The following RBMS3 variants were observed in gnomAD, a reference collection of about 807,000 sequenced individuals.
RBMS3 encodes RNA-binding motif, single-stranded-interacting protein 3.
In RBMS3, 27 loss-of-function variants were observed where a neutral mutation model predicts 66.8. The observed-to-expected ratio is 0.40, with a 90% CI of 0.30 to 0.56. The LOEUF is 0.56. Ranked by LOEUF, RBMS3 falls within the 20% of genes least tolerant of loss-of-function variation. The pLI is 0.40. For missense variants in RBMS3, 513 were observed against 549.5 expected (o/e 0.93, Z 0.66); for synonymous variants, 188 against 183.0 (o/e 1.03, Z -0.22).
At chr3:29,576,113 T>G (rs1366083272) in intron 3 of RBMS3, among the ~76,000 whole-genome samples, 2 of 152,080 alleles carry the variant, frequency 1.3e-5, no homozygotes, top group East Asian at 3.9e-4. Flanking sequence ...ATTGTTGTGT[T>G]CATGGTTTGG....
chr3:29,557,052 CT>C (rs1278056318), intron 3 of RBMS3, among the ~76,000 whole-genome samples: 1 of 152,150 alleles, frequency 6.6e-6, no homozygotes, highest in Non-Finnish European at 1.5e-5. Context: ...CTTTCTGTCA[CT>C]CAAAGTAGGT....
chr3:29,339,603 G>A (rs1279105680), intron 1 of RBMS3, among the ~76,000 whole-genome samples: 1 of 149,788 alleles, frequency 6.7e-6, no homozygotes, highest in African/African-American at 2.4e-5. Flanking sequence ...TAAGAAGAAA[G>A]AATGATGTGG....
intron 3 of RBMS3, among the ~76,000 whole-genome samples, chr3:29,514,451 T>C (rs1001985823): frequency 1.3e-5 from 2 of 151,868 alleles, no homozygotes; most frequent in African/African-American, 4.8e-5. Flanking sequence ...AAATGAACTT[T>C]AGTAACCTGA....
At chr3:29,835,682 A>G (rs1309313705) in intron 6 of RBMS3, among the ~76,000 whole-genome samples, 3 of 151,920 alleles carry the variant, frequency 2.0e-5, no homozygotes, top group Non-Finnish European at 4.4e-5. Flanking sequence ...ACAAAGAGAC[A>G]TCTCAAATAA....
intron 4 of RBMS3, among the ~76,000 whole-genome samples, chr3:29,695,037 A>T (rs1412097044): frequency 6.6e-6 from 1 of 152,112 alleles, no homozygotes; most frequent in Non-Finnish European, 1.5e-5. Flanking sequence ...TGAGTCACTC[A>T]CCTTTTCATT....
rs571068951 is a variant in RBMS3, at chr3:29,790,457, A to G, written c.637+27468A>G. Among the ~76,000 whole-genome samples the G allele has an allele frequency of 3.3e-5, 5 of 152,294 alleles. No individual in the cohort carries two copies. The South Asian group carries it at 1.0e-3, about 32-fold the overall frequency. ...TCGGTTCTATGAATTTTCAAAGAGC[A>G]TGATTCATTCATGGGTAATCAGTAA... On this transcript the variant is annotated intron_variant, in intron 6 of 14. Coordinates refer to ENST00000383767, the MANE Select transcript of RBMS3 (RefSeq NM_001003793.3).
chr3:29,458,800 T>G (rs549373054), intron 2 of RBMS3, among the ~76,000 whole-genome samples: 2 of 152,344 alleles, frequency 1.3e-5, no homozygotes, highest in Non-Finnish European at 2.9e-5. Context: ...TGCAAGTTAC[T>G]TATGCCTTTG....
chr3:29,647,221 C>T (rs981826953), intron 4 of RBMS3, among the ~76,000 whole-genome samples: 10 of 152,150 alleles, frequency 6.6e-5, no homozygotes, highest in African/African-American at 2.4e-5. Context: ...TCAGGTGATC[C>T]GCCTGCCTCG....
At chr3:29,377,472 T>G (rs963021876) in intron 1 of RBMS3, among the ~76,000 whole-genome samples, 1 of 152,210 alleles carries the variant, frequency 6.6e-6, no homozygotes, top group Non-Finnish European at 1.5e-5. Flanking sequence ...CAATGTCCTC[T>G]TTCCCTTATG....
rs77426241 is a variant in RBMS3 at position 29,484,301 on chromosome 3, A to G, written c.249-4140A>G. On this transcript the variant is annotated intron_variant, in intron 2 of 14. Coordinates refer to ENST00000383767, the MANE Select transcript of RBMS3 (RefSeq NM_001003793.3). ...AGACTGGGTGGCTTCATGAAAATATATTTTCTCACAGTTTTGAAGTGGGAA... is the reference window on the plus strand; with the variant it reads ...AGACTGGGTGGCTTCATGAAAATATGTTTTCTCACAGTTTTGAAGTGGGAA... Among the ~76,000 whole-genome samples the G allele has an allele frequency of 6.6e-3, 1,007 of 152,230 alleles. 24 individuals are homozygous for G. The highest frequency in any genetic ancestry group is 0.054 in the Admixed American group (823 of 15,290).
intron 2 of RBMS3, among the ~76,000 whole-genome samples, chr3:29,483,122 G>A (rs756590855): frequency 1.5e-4 from 22 of 145,470 alleles, no homozygotes; most frequent in Non-Finnish European, 2.4e-4. Flanking sequence ...TGGCTAACAC[G>A]GTGAAACCCT....
At chr3:29,988,441 G>T (rs753569698) in intron 13 of RBMS3, among the ~76,000 whole-genome samples, 3 of 152,156 alleles carry the variant, frequency 2.0e-5, no homozygotes, top group Non-Finnish European at 2.9e-5. Context: ...GAGGCACGAC[G>T]GGAGTCTCTT....
Position 30,004,921 on chromosome 3 carries a change from G to T in RBMS3, c.*1059G>T. On this transcript the variant is annotated 3_prime_UTR_variant, in exon 15 of 15. Transcript: ENST00000383767. The stretch of plus-strand genomic sequence containing the variant: ...AAAACTTAAGTAGATAGGAGCTTAT[G>T]GTCAAAAAGTGCAAAAAAAAAAACA... The T allele has an allele frequency of 6.7e-6, 1 of 148,872 alleles. No individual in the cohort carries two copies. 9.2% of individuals were successfully genotyped at this position (148,872 alleles called of 1,614,324 possible).
intron 6 of RBMS3, among the ~76,000 whole-genome samples, chr3:29,827,632 A>G (rs1458074558): frequency 6.6e-6 from 1 of 152,146 alleles, no homozygotes; most frequent in African/African-American, 2.4e-5. Context: ...CCTCAATTCC[A>G]TGTTGTGTTA....
At chr3:29,968,205 C>T (rs1023076743) in intron 12 of RBMS3, among the ~76,000 whole-genome samples, 18 of 152,112 alleles carry the variant, frequency 1.2e-4, no homozygotes, top group African/African-American at 4.3e-4. Context: ...CGGCCTGCCC[C>T]CGTAACAGTC....
At chr3:29,542,233 C>A (rs1305266877) in intron 3 of RBMS3, among the ~76,000 whole-genome samples, 2 of 152,152 alleles carry the variant, frequency 1.3e-5, no homozygotes, top group Non-Finnish European at 2.9e-5. Flanking sequence ...TAACTATCCC[C>A]CTTTTTGCTT....
At chr3:29,409,196 A>T (rs1426632496) in intron 1 of RBMS3, among the ~76,000 whole-genome samples, 1 of 152,200 alleles carries the variant, frequency 6.6e-6, no homozygotes, top group African/African-American at 2.4e-5. Flanking sequence ...TAAAAACAAT[A>T]ACTATTTTTT....
intron 8 of RBMS3, among the ~76,000 whole-genome samples, chr3:29,888,226 G>C (rs1367348316): frequency 2.0e-5 from 3 of 151,574 alleles, no homozygotes; most frequent in Non-Finnish European, 4.4e-5. Flanking sequence ...TTACAACAAT[G>C]AATATTTTCC....
intron 4 of RBMS3, among the ~76,000 whole-genome samples, chr3:29,665,357 A>G (rs532474911): frequency 6.6e-6 from 1 of 152,332 alleles, no homozygotes; most frequent in South Asian, 2.1e-4. Context: ...CTTTCATAAA[A>G]AATCAATATA....
Sources: allele counts gnomAD v4.1 joint callset (sites outside exome capture counted in the v4.1 genomes callset), GRCh38; gene constraint gnomAD v4.1.1; transcripts MANE v1.5; gene names NCBI Gene and HGNC (gene_info 2026-07-23, HGNC 2026-07-21).